Variants in DDX50 observed in about 807,000 individuals in gnomAD.
The protein encoded by DDX50 is DExD-box helicase 50, also known as ATP-dependent RNA helicase DDX50.
DDX50 carries 56 observed loss-of-function variants against 94.8 expected under a neutral mutation model. The ratio of observed to expected loss-of-function variants is 0.59; its 90% CI spans 0.48 to 0.74. DDX50 has a LOEUF of 0.74. Among genes scored for constraint, DDX50 ranks in the 30% least tolerant of loss-of-function variants. The pLI is 0.00. For synonymous variants in DDX50, 264 were observed against 295.4 expected (o/e 0.89, Z 1.09); for missense variants, 713 against 881.2 (o/e 0.81, Z 2.42).
intron 12 of DDX50, among the ~76,000 whole-genome samples, chr10:68,939,492 T>G (rs1242979274): frequency 6.6e-6 from 1 of 152,214 alleles, no homozygotes; most frequent in Admixed American, 6.5e-5. Context: ...GAATGTCCTA[T>G]AGGCTTTTCC....
rs117693114 is a variant in DDX50 at position 68,917,694 on chromosome 10, C to A, written c.1090-2138C>A. 4.2e-3 allele frequency among the ~76,000 whole-genome samples: 642 copies of A among 152,262 alleles called. 3 individuals carry two copies. Among genetic ancestry groups the A allele is most frequent in the Non-Finnish European group, 7.5e-3 (513 of 68,020 alleles). ...CTCAGCTCATTGCAGCCTCCACCTT[C>A]CAGGTTCAAGAGATTCTCCTGTCTT... On this transcript the variant is annotated intron_variant, in intron 7 of 14. Coordinates refer to ENST00000373585, the MANE Select transcript of DDX50 (RefSeq NM_024045.2).
intron 8 of DDX50, among the ~76,000 whole-genome samples, chr10:68,925,577 C>T (rs926591301): frequency 6.6e-6 from 1 of 152,108 alleles, no homozygotes; most frequent in Non-Finnish European, 1.5e-5. Context: ...GTAGCATTAG[C>T]TTTGATGTTT....
At chr10:68,922,113 T>C (rs534741105) in intron 8 of DDX50, among the ~76,000 whole-genome samples, 1 of 152,336 alleles carries the variant, frequency 6.6e-6, no homozygotes, top group East Asian at 1.9e-4. Flanking sequence ...TGTGCATATA[T>C]TGACTGTTTG....
At position 68,946,776 on chromosome 10, in the gene DDX50, C is replaced by G. The variant is rs780163647; in HGVS notation, c.*146C>G. 14 of 1,031,938 alleles carry G rather than the reference C, an allele frequency of 1.4e-5. No individual in the cohort carries two copies. The highest frequency in any genetic ancestry group is 3.2e-4 in the Middle Eastern group (1 of 3,154). 63.9% of individuals were successfully genotyped at this position (1,031,938 alleles called of 1,614,324 possible). A position where few individuals can be genotyped will look rare whatever the true frequency, so the allele number is the denominator to read the frequency against. On this transcript the variant is annotated 3_prime_UTR_variant, in exon 15 of 15. Coordinates refer to ENST00000373585, the MANE Select transcript of DDX50 (RefSeq NM_024045.2). ...TCGTATTTTTTTAAAAAGTATTTCA[C>G]AAGAATGGAACAAATCTACTTATCC...
chr10:68,909,347 A>G (rs545165076), intron 2 of DDX50, among the ~76,000 whole-genome samples: 2 of 152,324 alleles, frequency 1.3e-5, no homozygotes, highest in African/African-American at 4.8e-5. Context: ...GTTTTCAATA[A>G]ATGTTAAATG....
chr10:68,929,398 TCCTTTCTTC>T (rs1450182288), intron 8 of DDX50, among the ~76,000 whole-genome samples: 103 of 150,864 alleles, frequency 6.8e-4, no homozygotes, highest in African/African-American at 2.2e-3. Flanking sequence ...TTCCTTTCTT[TCCTTTCTTC>T]CTTCCTTTCT....
At chr10:68,903,476 G>A (rs1288306057) in intron 1 of DDX50, among the ~76,000 whole-genome samples, 2 of 151,038 alleles carry the variant, frequency 1.3e-5, no homozygotes, top group Non-Finnish European at 2.9e-5. Flanking sequence ...GACCATCCCG[G>A]CCAACATGGT....
intron 8 of DDX50, among the ~76,000 whole-genome samples, chr10:68,926,913 CCT>C (rs35202442): frequency 0.12 from 17,855 of 151,826 alleles, 1,318 homozygotes; most frequent in Admixed American, 0.18. Context: ...AAAAAAAACC[CCT>C]GTGTTCTTTT....
At chr10:68,917,016 G>A (rs1386722485) in intron 7 of DDX50, among the ~76,000 whole-genome samples, 1 of 151,406 alleles carries the variant, frequency 6.6e-6, no homozygotes, top group Non-Finnish European at 1.5e-5. Flanking sequence ...TAAATACCTA[G>A]TGTGCACATT....
intron 7 of DDX50, among the ~76,000 whole-genome samples, chr10:68,918,846 G>C (rs1841872615): frequency 6.6e-6 from 1 of 152,196 alleles, no homozygotes; most frequent in Non-Finnish European, 1.5e-5. Context: ...TTTGGTCAGT[G>C]ATGGACCATA....
At chr10:68,916,602 A>G (rs1484997608) in intron 7 of DDX50, among the ~76,000 whole-genome samples, 4 of 152,138 alleles carry the variant, frequency 2.6e-5, no homozygotes, top group Non-Finnish European at 5.9e-5. Flanking sequence ...CCCAGTCATC[A>G]TTTTATCTTC....
At chr10:68,936,505 AAAAAAAAAAAAT>A (rs1337554196) in intron 11 of DDX50, among the ~76,000 whole-genome samples, 3 of 47,540 alleles carry the variant, frequency 6.3e-5, no homozygotes, top group African/African-American at 2.6e-4. Context: ...AAAAAAAAAA[AAAAAAAAAAAAT>A]ATATATATAT....
chr10:68,937,012 G>T lies in DDX50; in HGVS notation c.1672G>T (p.Ala558Ser). 1 of 1,612,490 alleles carries T rather than the reference G, an allele frequency of 6.2e-7. No homozygotes were observed. Among genetic ancestry groups the T allele is most frequent in the Non-Finnish European group, 8.5e-7 (1 of 1,179,948 alleles). ...SAQRLIEEKG[A>S]VDALAAALAH... ...TCAGAGACTGATAGAAGAGAAAGGT[G>T]CAGTGGATGCATTGGCTGCAGCTTT... Residue 558 changes from alanine (A) to serine (S), a missense_variant, in exon 12 of 15, where the codon GCA becomes TCA. Coordinates refer to ENST00000373585, the MANE Select transcript of DDX50 (RefSeq NM_024045.2).
intron 5 of DDX50, 26 bp downstream of exon 5, chr10:68,913,305 G>A: frequency 6.2e-7 from 1 of 1,605,440 alleles, no homozygotes; most frequent in Admixed American, 1.7e-5. Flanking sequence ...TGATAGACGT[G>A]CAAAGGCATA....
At position 68,929,499 on chromosome 10, in the gene DDX50, C is replaced by A. The variant is rs145526310; in HGVS notation, c.1240-4700C>A. On this transcript the variant is annotated intron_variant, in intron 8 of 14. Transcript: ENST00000373585. ...GGAGTGCAATGTTGTGATCTTGGCTCACTGCAACCTCCACCTCCTGGGTTC... is the reference window on the plus strand; with the variant it reads ...GGAGTGCAATGTTGTGATCTTGGCTAACTGCAACCTCCACCTCCTGGGTTC... 2.8e-3 allele frequency among the ~76,000 whole-genome samples: 418 copies of A among 151,676 alleles called. 2 individuals are homozygous for A. The highest frequency in any genetic ancestry group is 0.02 in the Middle Eastern group (6 of 294).
intron 14 of DDX50, among the ~76,000 whole-genome samples, chr10:68,945,952 ATTTAT>A (rs1017629520): frequency 6.8e-6 from 1 of 148,086 alleles, no homozygotes; most frequent in Non-Finnish European, 1.5e-5. Context: ...TAATTAGTAT[ATTTAT>A]TTAATTAGTA....
intron 8 of DDX50, among the ~76,000 whole-genome samples, chr10:68,926,721 C>G (rs1489279795): frequency 3.3e-5 from 5 of 151,354 alleles, no homozygotes; most frequent in Admixed American, 2.6e-4. Flanking sequence ...AACCCACTCT[C>G]TAAATGAATG....
intron 7 of DDX50, among the ~76,000 whole-genome samples, chr10:68,917,350 C>G (rs559091422): frequency 2.9e-4 from 44 of 151,992 alleles, no homozygotes; most frequent in Non-Finnish European, 4.7e-4. Flanking sequence ...GTCCCAGCTA[C>G]TTGGGAGGCT....
intron 12 of DDX50, 126 bp downstream of exon 12, chr10:68,937,221 T>C: frequency 1.0e-6 from 1 of 993,586 alleles, no homozygotes; most frequent in Non-Finnish European, 1.4e-6. Flanking sequence ...GAAACTGGTC[T>C]CCTTATTTTC....
Sources: gnomAD v4.1 joint callset for allele counts (sites outside exome capture counted in the v4.1 genomes callset) on GRCh38, gnomAD v4.1.1 for gene constraint, MANE v1.5 for transcripts, NCBI Gene and HGNC (gene_info 2026-07-23, HGNC 2026-07-21) for gene names.